Variants in DLGAP2 observed in about 807,000 individuals in gnomAD.
DLGAP2 encodes DLG associated protein 2.
In DLGAP2, 26 loss-of-function variants were observed where a neutral mutation model predicts 100.3. That is an observed-to-expected ratio of 0.26 (90% CI 0.19 to 0.36). The LOEUF is 0.36. Among genes scored for constraint, DLGAP2 ranks in the 10% least tolerant of loss-of-function variants. The pLI, the probability that DLGAP2 is intolerant of heterozygous loss-of-function variation, is 1.00. For synonymous variants in DLGAP2, 886 were observed against 630.1 expected, an observed-to-expected ratio of 1.41 and a Z score of -6.08; for missense variants, 1,858 against 1,453.2, an observed-to-expected ratio of 1.28 and a Z score of -4.53.
intron 12 of DLGAP2, 74 bp downstream of exon 12, chr8:1,678,703 A>C: frequency 7.2e-7 from 1 of 1,380,544 alleles, no homozygotes; most frequent in Non-Finnish European, 9.4e-7. Context: ...TCACAGCATT[A>C]GTGGAGAAAA....
intron 3 of DLGAP2, among the ~76,000 whole-genome samples, chr8:1,409,632 T>C (rs1033856405): frequency 1.3e-5 from 2 of 152,224 alleles, no homozygotes; most frequent in African/African-American, 4.8e-5. Context: ...TTTCCAGATG[T>C]GTCTGTGGTG....
chr8:1,519,222 A>G (rs1461863838), intron 4 of DLGAP2, among the ~76,000 whole-genome samples: 1 of 152,206 alleles, frequency 6.6e-6, no homozygotes, highest in Non-Finnish European at 1.5e-5. Flanking sequence ...AAAGTGAAGA[A>G]CACCAAAGTT....
intron 12 of DLGAP2, among the ~76,000 whole-genome samples, chr8:1,687,270 A>G (rs992806468): frequency 3.3e-5 from 5 of 152,230 alleles, no homozygotes; most frequent in Non-Finnish European, 7.3e-5. Flanking sequence ...ATAGAATTGG[A>G]ATTATAGAAA....
chr8:1,535,286 A>G (rs1801120368), intron 4 of DLGAP2, among the ~76,000 whole-genome samples: 1 of 152,136 alleles, frequency 6.6e-6, no homozygotes, highest in South Asian at 2.1e-4. Context: ...ATTGTTCTCC[A>G]TGTTGCTGTG....
intron 1 of DLGAP2, among the ~76,000 whole-genome samples, chr8:754,563 C>T (rs1385383575): frequency 6.6e-6 from 1 of 152,218 alleles, no homozygotes; most frequent in Non-Finnish European, 1.5e-5. Flanking sequence ...GATTGAAAAG[C>T]AGTGTGCCTG....
intron 2 of DLGAP2, among the ~76,000 whole-genome samples, chr8:1,008,054 C>G (rs756566608): frequency 6.6e-6 from 1 of 152,166 alleles, no homozygotes; most frequent in African/African-American, 2.4e-5. Context: ...ATGACGTGCA[C>G]TCTCCAGGCT....
intron 3 of DLGAP2, among the ~76,000 whole-genome samples, chr8:1,445,961 G>A (rs2130087951): frequency 1.4e-5 from 2 of 147,746 alleles, no homozygotes; most frequent in Middle Eastern, 6.8e-3. Flanking sequence ...TTGTAAATTT[G>A]TTTGAGTTCA....
At chr8:770,885 T>A (rs1005616919) in intron 1 of DLGAP2, among the ~76,000 whole-genome samples, 2 of 149,650 alleles carry the variant, frequency 1.3e-5, no homozygotes, top group African/African-American at 2.4e-5. Flanking sequence ...TTTTTTTTTT[T>A]AAAGTAGAAG....
At chr8:829,599 A>C (rs540979744) in intron 1 of DLGAP2, among the ~76,000 whole-genome samples, 112 of 152,366 alleles carry the variant, frequency 7.4e-4, no homozygotes, top group Non-Finnish European at 1.2e-3. Context: ...CGTGAAAACT[A>C]TAAATTATTT....
chr8:1,424,631 C>G (rs762591810), intron 3 of DLGAP2, among the ~76,000 whole-genome samples: 1 of 151,928 alleles, frequency 6.6e-6, no homozygotes, highest in African/African-American at 2.4e-5. Flanking sequence ...GATGCACAGA[C>G]AGAAGGCCGG....
chr8:1,242,098 A>G (rs1015088492), intron 2 of DLGAP2, among the ~76,000 whole-genome samples: 11 of 152,170 alleles, frequency 7.2e-5, no homozygotes, highest in Admixed American at 6.6e-4. Flanking sequence ...AGATAAACCT[A>G]CCTAAAGGCA....
intron 2 of DLGAP2, among the ~76,000 whole-genome samples, chr8:1,240,690 C>T (rs1426484009): frequency 2.6e-5 from 4 of 151,274 alleles, no homozygotes; most frequent in Admixed American, 2.0e-4. Context: ...GGCGCCATGT[C>T]TGGTTCTCTC....
intron 3 of DLGAP2, among the ~76,000 whole-genome samples, chr8:1,445,334 G>A (rs1244432126): frequency 1.4e-5 from 2 of 146,516 alleles, no homozygotes; most frequent in African/African-American, 2.5e-5. Context: ...GTGAGAACAT[G>A]CAGTGTTTGG....
intron 2 of DLGAP2, among the ~76,000 whole-genome samples, chr8:916,950 C>G (rs989554352): frequency 2.6e-5 from 4 of 152,180 alleles, no homozygotes; most frequent in Non-Finnish European, 5.9e-5. Flanking sequence ...GTGGGGACAG[C>G]CTGGGCCATA....
chr8:1,207,089 C>A (rs748912641), intron 2 of DLGAP2, among the ~76,000 whole-genome samples: 1 of 152,202 alleles, frequency 6.6e-6, no homozygotes, highest in Non-Finnish European at 1.5e-5. Context: ...ATCTGCAATT[C>A]TTCCTTTTTT....
intron 1 of DLGAP2, among the ~76,000 whole-genome samples, chr8:803,638 C>T (rs780810456): frequency 1.3e-5 from 2 of 152,002 alleles, no homozygotes; most frequent in African/African-American, 4.8e-5. Context: ...TTATAAAACT[C>T]GAATCACAAG....
intron 1 of DLGAP2, among the ~76,000 whole-genome samples, chr8:832,227 A>C (rs1272601431): frequency 1.3e-5 from 2 of 151,890 alleles, no homozygotes; most frequent in Non-Finnish European, 2.9e-5. Context: ...ATTAGATCCC[A>C]TTTGTCTGTT....
At chr8:1,042,205 G>C (rs145962557) in intron 2 of DLGAP2, among the ~76,000 whole-genome samples, 107 of 152,312 alleles carry the variant, frequency 7.0e-4, no homozygotes, top group African/African-American at 2.6e-3. Flanking sequence ...GCTTTCCCAG[G>C]GAGGCTGCTC....
intron 2 of DLGAP2, among the ~76,000 whole-genome samples, chr8:1,234,802 C>T (rs1284792393): frequency 1.3e-5 from 2 of 152,178 alleles, no homozygotes; most frequent in African/African-American, 4.8e-5. Context: ...CTTTCATGTG[C>T]CCTCAAGTGA....
Sources: allele counts gnomAD v4.1 joint callset (sites outside exome capture counted in the v4.1 genomes callset), GRCh38; gene constraint gnomAD v4.1.1; transcripts MANE v1.5; gene names NCBI Gene and HGNC (gene_info 2026-07-23, HGNC 2026-07-21).